Variants in SLC7A2 observed in about 807,000 individuals in gnomAD.
The protein encoded by SLC7A2 is cationic amino acid transporter 2.
SLC7A2 carries 48 observed loss-of-function variants against 58.9 expected under a neutral mutation model. The observed-to-expected ratio is 0.82, with a 90% confidence interval of 0.65 to 1.04. The LOEUF is 1.04. SLC7A2 is among the 50% of genes least tolerant of loss of function. SLC7A2 has a pLI of 0.00. For synonymous variants in SLC7A2, 363 were observed against 314.5 expected (o/e 1.15, Z -1.63); for missense variants, 1,029 against 818.8 (o/e 1.26, Z -3.13).
At chr8:17,497,681 C>T (rs531644818) in intron 1 of SLC7A2, among the ~76,000 whole-genome samples, 2 of 152,316 alleles carry the variant, frequency 1.3e-5, no homozygotes, top group East Asian at 3.9e-4. Flanking sequence ...TGCCGGGGTC[C>T]CCGAAGCCGC....
intron 2 of SLC7A2, among the ~76,000 whole-genome samples, chr8:17,528,065 C>A (rs570483310): frequency 2.6e-5 from 4 of 152,066 alleles, no homozygotes; most frequent in African/African-American, 9.7e-5. Context: ...GAAGAAACAA[C>A]AGTGCAGAAC....
At chr8:17,528,300 C>T (rs1384871895) in intron 2 of SLC7A2, among the ~76,000 whole-genome samples, 1 of 152,142 alleles carries the variant, frequency 6.6e-6, no homozygotes, top group African/African-American at 2.4e-5. Context: ...ATATTTGCCT[C>T]CCTACATCTG....
chr8:17,532,517 T>C (rs1476644441), intron 2 of SLC7A2, among the ~76,000 whole-genome samples: 1 of 152,178 alleles, frequency 6.6e-6, no homozygotes, highest in Non-Finnish European at 1.5e-5. Flanking sequence ...AGATTATTTT[T>C]TTGCTTTTTT....
At chr8:17,515,382 A>G (rs71500774) in intron 2 of SLC7A2, among the ~76,000 whole-genome samples, 8 of 148,096 alleles carry the variant, frequency 5.4e-5, no homozygotes, top group Non-Finnish European at 1.0e-4. Context: ...TGCAACCTCC[A>G]CCTCCCAGGT....
At chr8:17,530,915 T>C (rs1048999854) in intron 2 of SLC7A2, among the ~76,000 whole-genome samples, 1 of 152,172 alleles carries the variant, frequency 6.6e-6, no homozygotes, top group Non-Finnish European at 1.5e-5. Context: ...TCATTCTTTA[T>C]ATAATAATTT....
chr8:17,505,917 C>T (rs1336079576), intron 2 of SLC7A2, among the ~76,000 whole-genome samples: 4 of 152,290 alleles, frequency 2.6e-5, no homozygotes, highest in East Asian at 3.9e-4. Context: ...TAACCCATAG[C>T]GTTTCCTTTT....
At chr8:17,494,505 C>A (rs9650587), upstream of SLC7A2, among the ~76,000 whole-genome samples, 54,408 of 152,014 alleles carry the variant, frequency 0.36, 10,499 homozygotes, top group Non-Finnish European at 0.43. Flanking sequence ...AAGGTGGGTG[C>A]AAATTTTACT....
intron 2 of SLC7A2, among the ~76,000 whole-genome samples, chr8:17,518,028 T>A (rs1941107407): frequency 6.6e-6 from 1 of 152,110 alleles, no homozygotes; most frequent in South Asian, 2.1e-4. Context: ...GTTGTGAGGG[T>A]TAAATAAAGT....
At chr8:17,551,138 C>T (rs940562727) in intron 6 of SLC7A2, among the ~76,000 whole-genome samples, 1 of 152,172 alleles carries the variant, frequency 6.6e-6, no homozygotes, top group Admixed American at 6.5e-5. Context: ...TATTCTATCG[C>T]TGAACACTTA....
At chr8:17,529,487 G>T (rs1245989487) in intron 2 of SLC7A2, among the ~76,000 whole-genome samples, 5 of 151,758 alleles carry the variant, frequency 3.3e-5, no homozygotes, top group Admixed American at 6.6e-5. Flanking sequence ...ATGGGGCTCA[G>T]TCTCTACGGA....
rs1186355791 is a variant in SLC7A2, at chr8:17,564,998, A to G, written c.1829A>G (p.His610Arg). The G allele has an allele frequency of 4.3e-6, 7 of 1,613,710 alleles. No homozygotes were observed. The highest frequency in any genetic ancestry group is 1.3e-5 in the African/African-American group (1 of 74,876). ...SYGIRHSLEGHLRDENNEEDA... is the reference protein window; with the variant it reads ...SYGIRHSLEGRLRDENNEEDA... ...GGCATTAGACACAGCCTGGAGGGTC[A>G]TCTGAGAGATGAAAACAATGAAGAA... Residue 610 changes from histidine to arginine, a missense_variant, in exon 13 of 13, where the codon CAT becomes CGT. Coordinates refer to ENST00000494857, the MANE Select transcript of SLC7A2 (RefSeq NM_001370338.1).
chr8:17,507,064 C>A (rs1563433396), intron 2 of SLC7A2, among the ~76,000 whole-genome samples: 1 of 151,908 alleles, frequency 6.6e-6, no homozygotes, highest in Non-Finnish European at 1.5e-5. Context: ...CCTGCCTCAG[C>A]CTCCCAGGTA....
At chr8:17,531,890 A>G (rs77051677) in intron 2 of SLC7A2, among the ~76,000 whole-genome samples, 2,458 of 152,184 alleles carry the variant, frequency 0.016, 56 homozygotes, top group South Asian at 0.098. Flanking sequence ...TAAATTGTCA[A>G]AATTTCAAAA....
At chr8:17,557,797 C>A (rs1802779908) in intron 8 of SLC7A2, among the ~76,000 whole-genome samples, 1 of 152,134 alleles carries the variant, frequency 6.6e-6, no homozygotes, top group African/African-American at 2.4e-5. Context: ...CACTGCACTC[C>A]ACCCTGGGTG....
chr8:17,495,251 T>C (rs545353827), upstream of SLC7A2, among the ~76,000 whole-genome samples: 98 of 152,036 alleles, frequency 6.4e-4, no homozygotes, highest in African/African-American at 2.0e-3. Flanking sequence ...GGAATCTCTA[T>C]TTTTTTTAAA....
At chr8:17,532,229 CAAAAAAAAAAAAA>C (rs534441508) in intron 2 of SLC7A2, among the ~76,000 whole-genome samples, 3 of 46,200 alleles carry the variant, frequency 6.5e-5, no homozygotes, top group African/African-American at 1.0e-4. Context: ...GACTCTATCT[CAAAAAAAAAAAAA>C]AAAAAAAAAA....
At chr8:17,544,701 A>G in intron 4 of SLC7A2, 95 bp downstream of exon 4, 6 of 1,025,472 alleles carry the variant, frequency 5.9e-6, no homozygotes, top group Non-Finnish European at 8.7e-6. Flanking sequence ...AGTTCCCAAG[A>G]TGAGATTAGT....
At chr8:17,541,531 T>G (rs1801910918) in intron 2 of SLC7A2, among the ~76,000 whole-genome samples, 1 of 152,222 alleles carries the variant, frequency 6.6e-6, no homozygotes, top group Non-Finnish European at 1.5e-5. Context: ...TCCTCTATTT[T>G]TTATTTCTCC....
intron 2 of SLC7A2, among the ~76,000 whole-genome samples, chr8:17,506,721 A>G (rs1324415037): frequency 6.6e-6 from 1 of 151,944 alleles, no homozygotes; most frequent in Non-Finnish European, 1.5e-5. Context: ...TTTTGTGAAA[A>G]CAAATAATAA....
Sources: gnomAD v4.1 joint callset for allele counts (sites outside exome capture counted in the v4.1 genomes callset) on GRCh38, gnomAD v4.1.1 for gene constraint, MANE v1.5 for transcripts, NCBI Gene and HGNC (gene_info 2026-07-23, HGNC 2026-07-21) for gene names.